Variants in ANKS1B observed in about 807,000 individuals in gnomAD.
ANKS1B encodes the protein ankyrin repeat and sterile alpha motif domain containing 1B, also known as ankyrin repeat and sterile alpha motif domain-containing protein 1B.
In ANKS1B, 36 loss-of-function variants were observed where a neutral mutation model predicts 148.3. The observed-to-expected ratio is 0.24, with a 90% CI of 0.19 to 0.32. The LOEUF is 0.32. ANKS1B is among the 10% of genes least tolerant of loss of function. The probability of loss-of-function intolerance (pLI) is 1.00; values close to 1 mark genes in which losing one functional copy is unlikely to be tolerated. For synonymous variants in ANKS1B, 542 were observed against 560.8 expected (o/e 0.97, Z 0.47); for missense variants, 1,157 against 1,542.6 (o/e 0.75, Z 4.19).
intron 14 of ANKS1B, among the ~76,000 whole-genome samples, chr12:99,162,239 A>C (rs2076724572): frequency 6.6e-6 from 1 of 152,182 alleles, no homozygotes; most frequent in African/African-American, 2.4e-5. Flanking sequence ...AAAATGTTTT[A>C]AAATTGTGAT....
chr12:99,696,676 T>C (rs1047302098), intron 8 of ANKS1B, among the ~76,000 whole-genome samples: 15 of 152,112 alleles, frequency 9.9e-5, no homozygotes, highest in African/African-American at 3.6e-4. Context: ...AATAACATTT[T>C]AGGTGCAACA....
intron 10 of ANKS1B, among the ~76,000 whole-genome samples, chr12:99,483,328 C>T (rs914769982): frequency 1.3e-5 from 2 of 151,824 alleles, no homozygotes; most frequent in African/African-American, 4.8e-5. Flanking sequence ...GTTAAACCAT[C>T]CCTGCATCCC....
In ANKS1B at chr12:98,744,718, T is replaced by C. The variant is rs1379930378; in HGVS notation, c.*1021A>G. ...TATTTATTTTTTCTAGAAAAAGAAA[T>C]TTTTGCAATAGAATTTTATTAACAC... On this transcript the variant is annotated 3_prime_UTR_variant, in exon 27 of 27. Transcript: ENST00000683438. 1.0e-6 allele frequency: 1 copy of C among 980,458 alleles called. No individual in the cohort carries two copies. Among genetic ancestry groups the C allele is most frequent in the Non-Finnish European group, 1.2e-6 (1 of 825,850 alleles). The allele number at this position is 980,458 out of a possible 1,614,324, so 60.7% of individuals were successfully genotyped here.
intron 22 of ANKS1B, chr12:98,795,108 T>C (rs776565700): frequency 2.1e-4 from 116 of 555,316 alleles, no homozygotes; most frequent in Non-Finnish European, 3.1e-4. Context: ...TACCTTGCCA[T>C]CTAATGGCAC....
intron 9 of ANKS1B, among the ~76,000 whole-genome samples, chr12:99,635,936 G>C (rs1335873395): frequency 6.6e-6 from 1 of 151,854 alleles, no homozygotes; most frequent in Non-Finnish European, 1.5e-5. Context: ...ACTATACGAA[G>C]AAAATAAGGT....
intron 9 of ANKS1B, among the ~76,000 whole-genome samples, chr12:99,575,061 T>C (rs1025527822): frequency 2.6e-5 from 4 of 152,060 alleles, no homozygotes; most frequent in East Asian, 1.9e-4. Context: ...TAAGTGATTA[T>C]ACCAAATTTG....
chr12:99,638,150 G>C (rs370121916), intron 9 of ANKS1B, among the ~76,000 whole-genome samples: 7 of 152,268 alleles, frequency 4.6e-5, no homozygotes, highest in African/African-American at 1.7e-4. Flanking sequence ...GTAACACAGA[G>C]AGTGGGGGAC....
chr12:99,784,902 T>C (rs193198692), intron 4 of ANKS1B, among the ~76,000 whole-genome samples: 16 of 152,368 alleles, frequency 1.1e-4, no homozygotes, highest in Admixed American at 1.0e-3. Flanking sequence ...AGCACTCATA[T>C]ACCACATTAT....
At position 99,761,351 on chromosome 12, in the gene ANKS1B, T is replaced by C. The variant is rs147498313; in HGVS notation, c.1128+11571A>G. Among the ~76,000 whole-genome samples, 197 of 152,024 alleles carry C rather than the reference T, an allele frequency of 1.3e-3. 4 individuals are homozygous for C. Among genetic ancestry groups the C allele is most frequent in the Middle Eastern group, 3.4e-3 (1 of 294 alleles). ...GTAGTGCATCAAAAACTTACGACGA[T>C]GAAGGAGGCTTTCTCCCTGGGATAC... On this transcript the variant is annotated intron_variant, in intron 8 of 26. Transcript: ENST00000683438.
At chr12:99,381,154 C>T (rs1220998889) in intron 12 of ANKS1B, among the ~76,000 whole-genome samples, 1 of 152,218 alleles carries the variant, frequency 6.6e-6, no homozygotes, top group Non-Finnish European at 1.5e-5. Flanking sequence ...TGATTTCAGA[C>T]TTCTAGGCTC....
At chr12:99,067,323 A>G (rs2044678536) in intron 16 of ANKS1B, among the ~76,000 whole-genome samples, 1 of 152,196 alleles carries the variant, frequency 6.6e-6, no homozygotes. Context: ...GCATTGGCTA[A>G]GGTGCCCTTG....
At chr12:98,783,440 T>C (rs1009384235) in intron 22 of ANKS1B, among the ~76,000 whole-genome samples, 7 of 152,150 alleles carry the variant, frequency 4.6e-5, no homozygotes, top group Admixed American at 2.6e-4. Flanking sequence ...CTAGGTCTGA[T>C]AGGAAGAACA....
chr12:99,473,338 A>G (rs959514604), intron 10 of ANKS1B, among the ~76,000 whole-genome samples: 3 of 151,938 alleles, frequency 2.0e-5, no homozygotes, highest in African/African-American at 7.2e-5. Flanking sequence ...ATTAAAATTT[A>G]TCTTTTGATT....
intron 26 of ANKS1B, among the ~76,000 whole-genome samples, chr12:98,747,742 G>A (rs1237514990): frequency 6.6e-6 from 1 of 152,080 alleles, no homozygotes; most frequent in Non-Finnish European, 1.5e-5. Flanking sequence ...AAGAAAATGT[G>A]GTATATATAC....
At chr12:99,506,503 G>A (rs550564870) in intron 9 of ANKS1B, among the ~76,000 whole-genome samples, 1 of 152,046 alleles carries the variant, frequency 6.6e-6, no homozygotes, top group Non-Finnish European at 1.5e-5. Context: ...TAATCAGGAT[G>A]GCATATAATT....
intron 13 of ANKS1B, 85 bp downstream of exon 13, chr12:99,246,190 G>T: frequency 9.8e-7 from 1 of 1,020,202 alleles, no homozygotes; most frequent in South Asian, 2.1e-5. Context: ...GCTTTTGAAA[G>T]AGCTAAAAAG....
chr12:98,878,098 T>C (rs2099696124), intron 17 of ANKS1B, among the ~76,000 whole-genome samples: 1 of 152,176 alleles, frequency 6.6e-6, no homozygotes, highest in African/African-American at 2.4e-5. Context: ...AAAGGATACA[T>C]ACTAAAATGT....
At chr12:98,960,114 A>C (rs1352885278) in intron 17 of ANKS1B, among the ~76,000 whole-genome samples, 1 of 152,042 alleles carries the variant, frequency 6.6e-6, no homozygotes, top group African/African-American at 2.4e-5. Flanking sequence ...TGATTGTAGA[A>C]CCCTAGGGCT....
At chr12:99,614,505 G>A (rs2097932720) in intron 9 of ANKS1B, among the ~76,000 whole-genome samples, 1 of 150,690 alleles carries the variant, frequency 6.6e-6, no homozygotes, top group African/African-American at 2.4e-5. Context: ...GGAAAATCAA[G>A]CCCACACATA....
Sources: allele counts gnomAD v4.1 joint callset (sites outside exome capture counted in the v4.1 genomes callset), GRCh38; gene constraint gnomAD v4.1.1; transcripts MANE v1.5; gene names NCBI Gene and HGNC (gene_info 2026-07-23, HGNC 2026-07-21).